FREM1: variants seen among roughly 807,000 people sequenced by gnomAD.
FREM1 encodes the protein FRAS1 related extracellular matrix 1.
Under a neutral mutation model 210.1 loss-of-function variants are expected in FREM1, and 220 were observed. That is an observed-to-expected ratio of 1.05 (90% CI 0.94 to 1.17). The LOEUF (loss-of-function observed/expected upper bound fraction) is 1.17, where lower values mean the gene tolerates loss of function less well. Ranked by LOEUF, FREM1 falls within the 50% of genes most tolerant of loss-of-function variation. FREM1 has a pLI of 0.00. For missense variants in FREM1, 3,454 were observed against 2,675.5 expected, an observed-to-expected ratio of 1.29 and a Z score of -6.42; for synonymous variants, 1,189 against 980.2, an observed-to-expected ratio of 1.21 and a Z score of -3.98.
intron 5 of FREM1, among the ~76,000 whole-genome samples, chr9:14,852,939 G>A (rs1303328249): frequency 2.6e-5 from 4 of 152,182 alleles, no homozygotes; most frequent in African/African-American, 9.7e-5. Context: ...CAAGTTGTCT[G>A]GAACTAATTC....
intron 1 of FREM1, among the ~76,000 whole-genome samples, chr9:14,899,316 A>C (rs922189514): frequency 6.6e-6 from 1 of 152,200 alleles, no homozygotes; most frequent in Admixed American, 6.5e-5. Flanking sequence ...TCTCTGATGC[A>C]GTGTTGCTCA....
chr9:14,772,937 G>T (rs1847846458), intron 25 of FREM1, among the ~76,000 whole-genome samples: 1 of 152,148 alleles, frequency 6.6e-6, no homozygotes, highest in Non-Finnish European at 1.5e-5. Context: ...TGCCTGTCGT[G>T]ATCATGTGTT....
intron 5 of FREM1, among the ~76,000 whole-genome samples, chr9:14,855,557 A>G (rs1297679534): frequency 1.3e-5 from 2 of 152,098 alleles, no homozygotes; most frequent in Non-Finnish European, 1.5e-5. Flanking sequence ...CCATAAAACA[A>G]AACCAACTCT....
At position 14,737,559 on chromosome 9, in the gene FREM1, C is replaced by A; in HGVS notation, c.6377G>T (p.Trp2126Leu). The change falls in exon 37 of 37, where the codon TGG becomes TTG. Residue 2126 changes from tryptophan (W) to leucine (L), a missense_variant. Physicochemically the swap from Trp to Leu is moderately conservative, Grantham distance 61. Transcript: ENST00000380880. ...NDQVHAGHWEWIGGEPVAFTN... is the reference protein window; with the variant it reads ...NDQVHAGHWELIGGEPVAFTN... The stretch of plus-strand genomic sequence containing the variant: ...GAAGGCAACAGGTTCACCACCGATC[C>A]ACTCCCAGTGGCCAGCATGCACTTG... The A allele has an allele frequency of 6.2e-7, 1 of 1,600,170 alleles. No homozygotes were observed. The highest frequency in any genetic ancestry group is 8.5e-7 in the Non-Finnish European group (1 of 1,173,090).
intron 1 of FREM1, among the ~76,000 whole-genome samples, chr9:14,874,909 T>C (rs1239708236): frequency 6.6e-6 from 1 of 152,190 alleles, no homozygotes; most frequent in Non-Finnish European, 1.5e-5. Flanking sequence ...AAGTGTTTTA[T>C]TTCTCCTTCA....
At chr9:14,846,846 T>C (rs935346131) in intron 7 of FREM1, among the ~76,000 whole-genome samples, 3 of 152,190 alleles carry the variant, frequency 2.0e-5, no homozygotes, top group African/African-American at 7.2e-5. Context: ...CTCGACCAAC[T>C]GACTGTTCTC....
chr9:14,795,871 G>A (rs1461573570), intron 21 of FREM1, among the ~76,000 whole-genome samples: 1 of 152,122 alleles, frequency 6.6e-6, no homozygotes, highest in Non-Finnish European at 1.5e-5. Context: ...CCTCTCCAGT[G>A]GATGCCCCGG....
chr9:14,860,160 T>G (rs1170990570), intron 3 of FREM1, among the ~76,000 whole-genome samples: 1 of 152,164 alleles, frequency 6.6e-6, no homozygotes, highest in Non-Finnish European at 1.5e-5. Context: ...CTAAATTCTC[T>G]ATGATAGTAT....
intron 20 of FREM1, among the ~76,000 whole-genome samples, chr9:14,800,377 C>A (rs1399629828): frequency 6.6e-6 from 1 of 152,166 alleles, no homozygotes; most frequent in African/African-American, 2.4e-5. Flanking sequence ...AATTCAGGAA[C>A]CGCACACTTT....
chr9:14,758,416 T>G (rs1384661428), intron 28 of FREM1, among the ~76,000 whole-genome samples: 1 of 152,140 alleles, frequency 6.6e-6, no homozygotes, highest in Non-Finnish European at 1.5e-5. Context: ...TCCAGGCAGA[T>G]TCTTCCTTAT....
At chr9:14,901,988 T>G (rs2132624756) in intron 1 of FREM1, among the ~76,000 whole-genome samples, 1 of 151,188 alleles carries the variant, frequency 6.6e-6, no homozygotes, top group Non-Finnish European at 1.5e-5. Context: ...TAGCTGGGAC[T>G]ACAGGCATCT....
intron 35 of FREM1, among the ~76,000 whole-genome samples, chr9:14,746,126 G>T (rs542259541): frequency 6.6e-6 from 1 of 152,214 alleles, no homozygotes; most frequent in South Asian, 2.1e-4. Flanking sequence ...TGGTGCAAAA[G>T]TAATGGCAAA....
chr9:14,784,303 T>C, intron 24 of FREM1, 67 bp downstream of exon 24: 3 of 1,468,774 alleles, frequency 2.0e-6, no homozygotes, highest in Non-Finnish European at 2.8e-6. Flanking sequence ...TGAAGCACAT[T>C]AACAGATCTC....
At chr9:14,863,340 CA>C (rs547934749) in intron 3 of FREM1, among the ~76,000 whole-genome samples, 31,930 of 89,808 alleles carry the variant, frequency 0.36, 3,246 homozygotes, top group Middle Eastern at 0.45. Context: ...GACTCCGTCT[CA>C]AAAAAAAAAA....
intron 6 of FREM1, among the ~76,000 whole-genome samples, chr9:14,849,401 ATAAC>A (rs1360454744): frequency 6.6e-6 from 1 of 152,222 alleles, no homozygotes; most frequent in Admixed American, 6.5e-5. Flanking sequence ...CATGAAATTC[ATAAC>A]TAATAAGTAA....
In FREM1 at chr9:14,783,561, C is replaced by T. The variant is rs545926085; in HGVS notation, c.4442+809G>A. 2.6e-5 allele frequency among the ~76,000 whole-genome samples: 4 copies of T among 152,334 alleles called. No individual in the cohort carries two copies. In the South Asian group the frequency reaches 8.3e-4, roughly 32 times the overall value. On this transcript the variant is annotated intron_variant, in intron 24 of 36. Transcript: ENST00000380880. Reference sequence around the variant, plus strand: ...TCAAAGTCCAACATTTCCCAGTTCTCATGCCCGGCCTGGGGATCTGTGTTT... The same window carrying T: ...TCAAAGTCCAACATTTCCCAGTTCTTATGCCCGGCCTGGGGATCTGTGTTT...
chr9:14,773,052 T>C (rs1365684075), intron 25 of FREM1, among the ~76,000 whole-genome samples: 2 of 152,210 alleles, frequency 1.3e-5, no homozygotes, highest in Non-Finnish European at 2.9e-5. Flanking sequence ...CAAAAGTAGA[T>C]CTTCTGGCTT....
At chr9:14,884,445 T>C (rs1018571581) in intron 1 of FREM1, among the ~76,000 whole-genome samples, 3 of 152,166 alleles carry the variant, frequency 2.0e-5, no homozygotes, top group Admixed American at 6.5e-5. Context: ...TAAACGCCAA[T>C]AAAGCTGTGT....
At chr9:14,883,403 G>C (rs1008511807) in intron 1 of FREM1, among the ~76,000 whole-genome samples, 1 of 152,108 alleles carries the variant, frequency 6.6e-6, no homozygotes, top group African/African-American at 2.4e-5. Flanking sequence ...GGTTTTATTT[G>C]CATTCTAATT....
Sources: gnomAD v4.1 joint callset for allele counts (sites outside exome capture counted in the v4.1 genomes callset) on GRCh38, gnomAD v4.1.1 for gene constraint, MANE v1.5 for transcripts, NCBI Gene and HGNC (gene_info 2026-07-23, HGNC 2026-07-21) for gene names.